LMAN1L: variants seen among roughly 807,000 people sequenced by gnomAD.
The protein encoded by LMAN1L is lectin, mannose binding 1 like.
LMAN1L carries 60 observed loss-of-function variants against 58.3 expected under a neutral mutation model. That is an observed-to-expected ratio of 1.03 (90% CI 0.84 to 1.27). The LOEUF (loss-of-function observed/expected upper bound fraction) is 1.27. LMAN1L is among the 50% of genes most tolerant of loss of function. LMAN1L has a pLI of 0.00. For synonymous variants in LMAN1L, 280 were observed against 271.6 expected, an observed-to-expected ratio of 1.03 and a Z score of -0.31; for missense variants, 629 against 674.0, an observed-to-expected ratio of 0.93 and a Z score of 0.74.
Position 74,825,475 on chromosome 15 carries a change from G to A in LMAN1L, c.1452-1G>A. On this transcript the variant is annotated splice_acceptor_variant, in intron 13 of 13. Transcript: ENST00000309664. LOFTEE classifies it high-confidence loss of function. ...ACCTGTAACCTTCTCTCTGGCAGCA[G>A]GCAGGAGCTGAACAAGAGCCTTCAG... 3 of 1,609,774 alleles carry A rather than the reference G, an allele frequency of 1.9e-6. No individual in the cohort carries two copies. Among genetic ancestry groups the A allele is most frequent in the Non-Finnish European group, 2.5e-6 (3 of 1,176,666 alleles).
At chr15:74,819,330 A>C in intron 6 of LMAN1L, 58 bp downstream of exon 6, 1 of 1,589,632 alleles carries the variant, frequency 6.3e-7, no homozygotes, top group Non-Finnish European at 8.6e-7. Flanking sequence ...AATCACCCTC[A>C]GCACACCTTC....
In LMAN1L at chr15:74,819,279, A is replaced by T. The variant is rs1190635360; in HGVS notation, c.718+7A>T. On this transcript the variant is annotated splice_region_variant and intron_variant, in intron 6 of 13. Coordinates refer to ENST00000309664, the MANE Select transcript of LMAN1L (RefSeq NM_021819.3). ...GCCACCGGCACCCTGGCAGGTGAGG[A>T]TCCCACTGGACAGGTAAGAGCAGAA... 2 of 1,613,778 alleles carry T rather than the reference A, an allele frequency of 1.2e-6. No homozygotes were observed. Among genetic ancestry groups the T allele is most frequent in the Non-Finnish European group, 1.7e-6 (2 of 1,179,884 alleles).
chr15:74,816,786 G>T lies in LMAN1L; in HGVS notation c.497+96G>T, dbSNP rs1464103441. ...GCCCCTGCCCCAGCCTCCTCCAGCA[G>T]GGGGCCCACCCTGCCGGGCCGCCAT... is the stretch of plus-strand genomic sequence containing the variant. On this transcript the variant is annotated intron_variant, in intron 4 of 13. Transcript: ENST00000309664. The T allele has an allele frequency of 2.0e-5, 25 of 1,234,684 alleles. No individual in the cohort carries two copies. In the South Asian group the frequency reaches 3.1e-4, roughly 15 times the overall value. 76.5% of individuals were successfully genotyped at this position (1,234,684 alleles called of 1,614,324 possible). A position where few individuals can be genotyped will look rare whatever the true frequency, so the allele number is the denominator to read the frequency against.
chr15:74,819,108 G>T (rs1439720523), intron 5 of LMAN1L, 44 bp from the exon 6 acceptor site: 2 of 1,564,846 alleles, frequency 1.3e-6, no homozygotes, highest in Non-Finnish European at 1.7e-6. Flanking sequence ...GGGAGTCAGA[G>T]GTAGGGACAC....
chr15:74,824,782 A>C, intron 13 of LMAN1L: 1 of 284,794 alleles, frequency 3.5e-6, no homozygotes. Flanking sequence ...AGGAGAACAC[A>C]CTTGACCCCC....
intron 13 of LMAN1L, 89 bp downstream of exon 13, chr15:74,824,567 C>A: frequency 6.8e-7 from 1 of 1,471,876 alleles, no homozygotes; most frequent in Non-Finnish European, 9.4e-7. Flanking sequence ...GGGGACACTT[C>A]AGCTCAGAGG....
At chr15:74,813,904 A>C (rs537029901) in intron 1 of LMAN1L, among the ~76,000 whole-genome samples, 2 of 151,548 alleles carry the variant, frequency 1.3e-5, no homozygotes, top group East Asian at 3.9e-4. Flanking sequence ...AGGCGGATGA[A>C]TCACGAGGTC....
In LMAN1L at chr15:74,824,378, C is replaced by T; in HGVS notation, c.1351C>T (p.Pro451Ser). 6.2e-7 allele frequency: 1 copy of T among 1,613,642 alleles called. No homozygotes were observed. Among genetic ancestry groups the T allele is most frequent in the Non-Finnish European group, 8.5e-7 (1 of 1,179,826 alleles). Residue 451 changes from proline (P) to serine (S), a missense_variant, in exon 13 of 14, where the codon CCT (proline) becomes TCT (serine). By Grantham distance (74) the Pro-to-Ser change is moderately conservative (BLOSUM62 -1). Around this residue, in one of 3 missense-constraint regions of LMAN1L, gnomAD observed 573 missense variants for 597.3 expected, o/e 0.96. Transcript: ENST00000309664. ...GGCAGCAGCCAAGGCCCCCCGCCCA[C>T]CTGGCCAGCCCCCAAGGGCCTCCTC... ...AKAAAKAPRPPGQPPRASSCL... is the reference protein window; with the variant it reads ...AKAAAKAPRPSGQPPRASSCL...
At chr15:74,824,172 G>T (rs1183786890) in intron 12 of LMAN1L, 179 bp from the exon 13 acceptor site, 3 of 653,492 alleles carry the variant, frequency 4.6e-6, no homozygotes, top group Non-Finnish European at 8.1e-6. Flanking sequence ...ATGCAGCCAT[G>T]GGAGCTGGGG....
chr15:74,813,702 G>A (rs1596377125), intron 1 of LMAN1L, among the ~76,000 whole-genome samples: 1 of 152,372 alleles, frequency 6.6e-6, no homozygotes, highest in East Asian at 1.9e-4. Context: ...AAATAGTCTA[G>A]GAGCATGGCT....
At position 74,814,381 on chromosome 15, in the gene LMAN1L, T is replaced by TGTG. The variant is rs1357529264; in HGVS notation, c.175+1352_175+1353insGTG. Among the ~76,000 whole-genome samples, 5 of 138,896 alleles carry TGTG rather than the reference T, an allele frequency of 3.6e-5. No homozygotes were observed. In the South Asian group the frequency reaches 1.2e-3, roughly 33 times the overall value. The allele number at this position is 138,896 out of a possible 152,430, so 91.1% of individuals were successfully genotyped here. On this transcript the variant is annotated intron_variant, in intron 1 of 13. Transcript: ENST00000309664. ...GCTAATTTTTGTTTTTGTTTTTGTT[T>TGTG]TTTTTTTTTTGAGACGGAGTCTCGT...
At chr15:74,818,147 C>T (rs2063900508) in intron 4 of LMAN1L, among the ~76,000 whole-genome samples, 1 of 152,078 alleles carries the variant, frequency 6.6e-6, no homozygotes, top group Admixed American at 6.5e-5. Context: ...AAGGAAGGGC[C>T]ACAGGGAGGC....
Position 74,816,229 on chromosome 15 carries a change from G to C in LMAN1L, c.248G>C (p.Arg83Thr). The C allele has an allele frequency of 6.3e-7, 1 of 1,593,036 alleles. No homozygotes were observed. Among genetic ancestry groups the C allele is most frequent in the Non-Finnish European group, 8.5e-7 (1 of 1,170,052 alleles). Reference protein sequence around the residue: ...MRNRSGAVWSRASVPFSAWEV... With the variant: ...MRNRSGAVWSTASVPFSAWEV... ...AACCGGAGTGGCGCCGTGTGGAGCA[G>C]GGCCTCTGTCCCCTTCTCTGCCTGG... The change falls in exon 2 of 14, where the codon AGG becomes ACG. Residue 83 changes from arginine (R) to threonine (T), a missense_variant. Coordinates refer to ENST00000309664, the MANE Select transcript of LMAN1L (RefSeq NM_021819.3).
chr15:74,817,569 C>T (rs73434488), intron 4 of LMAN1L, among the ~76,000 whole-genome samples: 2,521 of 152,320 alleles, frequency 0.017, 72 homozygotes, highest in African/African-American at 0.056. Flanking sequence ...CCTGCCGAGC[C>T]GACCTGTCAG....
intron 1 of LMAN1L, among the ~76,000 whole-genome samples, chr15:74,814,395 A>T (rs1402709513): frequency 1.4e-4 from 10 of 70,826 alleles, no homozygotes; most frequent in African/African-American, 3.9e-4. Context: ...TTTTTTTGAG[A>T]CGGAGTCTCG....
Position 74,818,817 on chromosome 15 carries a change from C to A in LMAN1L, c.597C>A (p.Arg199=), listed in dbSNP as rs562632781. ...TCACCTACTGGGGGCAGAGGCTGCG[C>A]GTGAGTCACCCTTCCTGCTTCTGAC... ...ARITYWGQRL[R]MSLNSGLTPS... is the part of the protein sequence containing the mutation. The change falls in exon 5 of 14, where the codon CGC becomes CGA. Residue 199 remains arginine, a splice_region_variant and synonymous_variant. Transcript: ENST00000309664. 6 of 1,605,052 alleles carry A rather than the reference C, an allele frequency of 3.7e-6. No homozygotes were observed. In the African/African-American group the frequency reaches 4.0e-5, roughly 11 times the overall value.
chr15:74,822,807 C>T (rs2063923330), intron 11 of LMAN1L, 98 bp downstream of exon 11: 1 of 869,288 alleles, frequency 1.2e-6, no homozygotes. Flanking sequence ...GAGCGCCCAG[C>T]ACACAGCCTG....
Position 74,823,684 on chromosome 15 carries a change from T to C in LMAN1L, c.1323+2T>C. The C allele has an allele frequency of 6.2e-7, 1 of 1,612,734 alleles. No individual in the cohort carries two copies. The highest frequency in any genetic ancestry group is 8.5e-7 in the Non-Finnish European group (1 of 1,179,672). On this transcript the variant is annotated splice_donor_variant, in intron 12 of 13. Coordinates refer to ENST00000309664, the MANE Select transcript of LMAN1L (RefSeq NM_021819.3). LOFTEE classifies it high-confidence loss of function. ...CAGGAGGAGCTTCGGGGCCCGGCGGTGAGGGGAAAGTAGTGGGCAGCATGG... is the reference window on the plus strand; with the variant it reads ...CAGGAGGAGCTTCGGGGCCCGGCGGCGAGGGGAAAGTAGTGGGCAGCATGG...
intron 12 of LMAN1L, 116 bp downstream of exon 12, chr15:74,823,798 G>A (rs2063928662): frequency 3.2e-6 from 4 of 1,250,978 alleles, no homozygotes; most frequent in Non-Finnish European, 4.4e-6. Flanking sequence ...TCCCCTCCCA[G>A]GACTGCTGGC....
Sources: gnomAD v4.1 joint callset for allele counts (sites outside exome capture counted in the v4.1 genomes callset) on GRCh38, gnomAD v4.1.1 for gene constraint, gnomAD v4.1.1 regional missense constraint, MANE v1.5 for transcripts, NCBI Gene and HGNC (gene_info 2026-07-23, HGNC 2026-07-21) for gene names.